Variants in EYS observed in about 807,000 individuals in gnomAD.
EYS encodes the protein protein eyes shut homolog.
A neutral mutation model predicts 282.1 loss-of-function variants in EYS; 250 were observed. The observed-to-expected ratio is 0.89, with a 90% CI of 0.80 to 0.98. EYS has a LOEUF of 0.98. Ranked by LOEUF, EYS falls within the 50% of genes least tolerant of loss-of-function variation. The pLI is 0.00. For synonymous variants in EYS, 1,355 were observed against 1,282.9 expected (o/e 1.06, Z -1.20); for missense variants, 4,016 against 3,709.0 (o/e 1.08, Z -2.15).
At chr6:64,879,351 T>C (rs1313348660) in intron 19 of EYS, among the ~76,000 whole-genome samples, 2 of 152,116 alleles carry the variant, frequency 1.3e-5, no homozygotes, top group African/African-American at 4.8e-5. Flanking sequence ...TTGATGGTTC[T>C]CTCTTAGACA....
At chr6:64,263,483 G>T (rs2150354089) in intron 30 of EYS, among the ~76,000 whole-genome samples, 1 of 152,024 alleles carries the variant, frequency 6.6e-6, no homozygotes, top group South Asian at 2.1e-4. Context: ...TTTTGAATTT[G>T]ATTTAATATG....
intron 26 of EYS, among the ~76,000 whole-genome samples, chr6:64,587,728 C>G (rs917330939): frequency 6.6e-6 from 1 of 151,948 alleles, no homozygotes; most frequent in Non-Finnish European, 1.5e-5. Flanking sequence ...GGATACCAAA[C>G]AATGACTACT....
chr6:64,778,933 A>G (rs1583148313), intron 22 of EYS, among the ~76,000 whole-genome samples: 1 of 152,136 alleles, frequency 6.6e-6, no homozygotes, highest in East Asian at 1.9e-4. Flanking sequence ...AGAATTGCAA[A>G]TTAAAACATC....
intron 36 of EYS, among the ~76,000 whole-genome samples, chr6:63,849,848 G>T (rs1481775445): frequency 6.6e-6 from 1 of 152,170 alleles, no homozygotes; most frequent in Non-Finnish European, 1.5e-5. Context: ...ACAGGAGTAG[G>T]CTTTAGAGGG....
chr6:64,193,283 G>A (rs545650426), intron 31 of EYS, among the ~76,000 whole-genome samples: 2 of 151,856 alleles, frequency 1.3e-5, no homozygotes, highest in Non-Finnish European at 2.9e-5. Flanking sequence ...ATTTAATTAT[G>A]TGTCTTACAT....
At chr6:65,501,727 A>C (rs1766459495) in intron 2 of EYS, among the ~76,000 whole-genome samples, 2 of 151,760 alleles carry the variant, frequency 1.3e-5, no homozygotes, top group South Asian at 4.1e-4. Flanking sequence ...TGACATTATA[A>C]AAAAGTATAG....
intron 26 of EYS, among the ~76,000 whole-genome samples, chr6:64,483,168 T>C (rs939930581): frequency 1.3e-5 from 2 of 151,556 alleles, no homozygotes; most frequent in African/African-American, 4.8e-5. Flanking sequence ...TCTACCTCTA[T>C]AGTGTGAAAA....
intron 5 of EYS, among the ~76,000 whole-genome samples, chr6:65,405,815 T>G (rs1460406058): frequency 6.6e-6 from 1 of 152,096 alleles, no homozygotes; most frequent in South Asian, 2.1e-4. Flanking sequence ...TATATACATT[T>G]TGTTAATCCA....
At chr6:65,114,885 T>C (rs1043680723) in intron 12 of EYS, among the ~76,000 whole-genome samples, 5 of 152,006 alleles carry the variant, frequency 3.3e-5, no homozygotes, top group Non-Finnish European at 7.4e-5. Context: ...TTCATCAACT[T>C]TTCTCATAAT....
At chr6:64,916,888 T>C (rs79567176) in intron 15 of EYS, among the ~76,000 whole-genome samples, 2,448 of 152,336 alleles carry the variant, frequency 0.016, 42 homozygotes, top group Non-Finnish European at 0.024. Context: ...TTTCAAATCT[T>C]AAATGCTGAT....
At chr6:64,132,337 A>C (rs575772652) in intron 31 of EYS, among the ~76,000 whole-genome samples, 1 of 151,900 alleles carries the variant, frequency 6.6e-6, no homozygotes, top group Non-Finnish European at 1.5e-5. Flanking sequence ...CAGCAGTTGA[A>C]TTATCTTATT....
At chr6:64,738,005 A>G (rs536886739) in intron 22 of EYS, among the ~76,000 whole-genome samples, 12 of 152,292 alleles carry the variant, frequency 7.9e-5, no homozygotes, top group Non-Finnish European at 1.8e-4. Flanking sequence ...GTCTTTCTTT[A>G]GCTTATCACT....
chr6:64,805,159 T>A (rs1219959271), intron 22 of EYS, among the ~76,000 whole-genome samples: 1 of 152,062 alleles, frequency 6.6e-6, no homozygotes, highest in Non-Finnish European at 1.5e-5. Context: ...AATCAGATAC[T>A]CTTTAATGTA....
intron 22 of EYS, among the ~76,000 whole-genome samples, chr6:64,644,496 T>A (rs1328725697): frequency 1.3e-5 from 2 of 152,196 alleles, no homozygotes; most frequent in African/African-American, 2.4e-5. Flanking sequence ...TATTTTAATG[T>A]GCAATATGCT....
intron 30 of EYS, among the ~76,000 whole-genome samples, chr6:64,242,902 T>C (rs921287924): frequency 1.4e-5 from 2 of 146,466 alleles, no homozygotes; most frequent in African/African-American, 4.9e-5. Flanking sequence ...TATAATATAT[T>C]CAAATATAGT....
At chr6:64,611,673 AT>A (rs902102732) in intron 24 of EYS, among the ~76,000 whole-genome samples, 23 of 152,106 alleles carry the variant, frequency 1.5e-4, no homozygotes, top group African/African-American at 5.1e-4. Flanking sequence ...AGCATTATTG[AT>A]TTTTTTAGTG....
chr6:65,274,827 G>T (rs1410835977), intron 12 of EYS, among the ~76,000 whole-genome samples: 1 of 151,718 alleles, frequency 6.6e-6, no homozygotes, highest in East Asian at 1.9e-4. Context: ...CATTTCTAGG[G>T]GTCCATAGGT....
chr6:65,091,295 A>AAC (rs1774555754), intron 12 of EYS, among the ~76,000 whole-genome samples: 1 of 148,898 alleles, frequency 6.7e-6, no homozygotes, highest in African/African-American at 2.5e-5. Flanking sequence ...AAAAAAAAAA[A>AAC]ACAGATTAGC....
intron 2 of EYS, among the ~76,000 whole-genome samples, chr6:65,568,737 T>C (rs1335533808): frequency 3.3e-5 from 5 of 152,174 alleles, no homozygotes; most frequent in Admixed American, 3.3e-4. Context: ...AACAGTGCTG[T>C]GTATGTCAGG....
Sources: allele counts gnomAD v4.1 joint callset (sites outside exome capture counted in the v4.1 genomes callset), GRCh38; gene constraint gnomAD v4.1.1; transcripts MANE v1.5; gene names NCBI Gene and HGNC (gene_info 2026-07-23, HGNC 2026-07-21).